The following CPS1 variants were observed in gnomAD, a reference collection of about 807,000 sequenced individuals.
CPS1 encodes the protein carbamoyl-phosphate synthase [ammonia], mitochondrial.
In CPS1, 109 loss-of-function variants were observed where a neutral mutation model predicts 174.6. That is an observed-to-expected ratio of 0.62 (90% CI 0.53 to 0.73). The LOEUF is 0.73. Among genes scored for constraint, CPS1 ranks in the 30% least tolerant of loss-of-function variants. CPS1 has a pLI of 0.00. For synonymous variants in CPS1, 637 were observed against 632.0 expected (o/e 1.01, Z -0.12); for missense variants, 1,689 against 1,821.9 (o/e 0.93, Z 1.33).
intron 28 of CPS1, among the ~76,000 whole-genome samples, chr2:210,650,771 G>C (rs1700535301): frequency 6.6e-6 from 1 of 152,128 alleles, no homozygotes; most frequent in Non-Finnish European, 1.5e-5. Context: ...ATTAGATGCT[G>C]GTCAGGGTAT....
chr2:210,500,747 G>A (rs776656749), intron 1 of CPS1, among the ~76,000 whole-genome samples: 4 of 152,212 alleles, frequency 2.6e-5, no homozygotes, highest in South Asian at 4.1e-4. Context: ...TTTTCCAGGC[G>A]TACTGTGAAA....
chr2:210,566,036 T>C lies in CPS1; in HGVS notation c.127-7262T>C, dbSNP rs143690799. ...TAGGAAGCTGCTGCCCACCAGACTT[T>C]CCTGGATGTGGCCTGAACCTTTCTA... On this transcript the variant is annotated intron_variant, in intron 1 of 37. Transcript: ENST00000233072. Among the ~76,000 whole-genome samples the C allele has an allele frequency of 1.5e-3, 227 of 152,226 alleles. 2 individuals are homozygous for C. Among genetic ancestry groups the C allele is most frequent in the African/African-American group, 4.9e-3 (203 of 41,540 alleles).
intron 3 of CPS1, chr2:210,577,152 A>G: frequency 2.1e-6 from 1 of 477,940 alleles, no homozygotes; most frequent in Non-Finnish European, 3.8e-6. Flanking sequence ...TAAATTCTTG[A>G]TAAATGCCAT....
chr2:210,623,073 T>G (rs1042814295), intron 21 of CPS1, among the ~76,000 whole-genome samples: 37 of 152,200 alleles, frequency 2.4e-4, no homozygotes, highest in African/African-American at 8.7e-4. Flanking sequence ...TATACCATGT[T>G]AAATCATCAA....
At chr2:210,519,180 C>G (rs942672884) in intron 1 of CPS1, among the ~76,000 whole-genome samples, 1 of 152,034 alleles carries the variant, frequency 6.6e-6, no homozygotes, top group Non-Finnish European at 1.5e-5. Context: ...TTAATTTTGC[C>G]TTATCAGAGT....
intron 1 of CPS1, among the ~76,000 whole-genome samples, chr2:210,511,100 T>C (rs1695475631): frequency 6.6e-6 from 1 of 152,164 alleles, no homozygotes; most frequent in Admixed American, 6.6e-5. Context: ...ATTGTGGCAC[T>C]ATTCACAATA....
intron 1 of CPS1, among the ~76,000 whole-genome samples, chr2:210,522,144 C>G (rs1695843812): frequency 6.6e-6 from 1 of 151,972 alleles, no homozygotes; most frequent in Non-Finnish European, 1.5e-5. Flanking sequence ...GTAACTTCTT[C>G]ACATGCGAGT....
intron 1 of CPS1, among the ~76,000 whole-genome samples, chr2:210,524,642 T>G (rs1695924713): frequency 1.3e-5 from 2 of 151,966 alleles, no homozygotes; most frequent in Non-Finnish European, 2.9e-5. Flanking sequence ...TACTCCAATC[T>G]CCCTTAGCTA....
intron 6 of CPS1, among the ~76,000 whole-genome samples, chr2:210,583,780 C>A (rs1255254332): frequency 6.6e-6 from 1 of 152,116 alleles, no homozygotes; most frequent in Non-Finnish European, 1.5e-5. Context: ...TCAGCACTTC[C>A]AGAAACTATT....
intron 33 of CPS1, among the ~76,000 whole-genome samples, chr2:210,666,458 A>C (rs1701100503): frequency 6.6e-6 from 1 of 151,996 alleles, no homozygotes; most frequent in South Asian, 2.1e-4. Flanking sequence ...TTATGGTTTT[A>C]GGTCTAACGT....
At chr2:210,675,876 A>G (rs1360972894) in intron 36 of CPS1, 36 bp downstream of exon 36, 1 of 993,410 alleles carries the variant, frequency 1.0e-6, no homozygotes, top group East Asian at 2.4e-5. Flanking sequence ...GAAATAATTT[A>G]GAGGATTAAC....
intron 1 of CPS1, among the ~76,000 whole-genome samples, chr2:210,510,394 T>C (rs1346112346): frequency 2.6e-5 from 4 of 152,178 alleles, no homozygotes; most frequent in Middle Eastern, 3.4e-3. Context: ...GGATTAAAGA[T>C]TTAAATGTTA....
intron 1 of CPS1, among the ~76,000 whole-genome samples, chr2:210,568,016 A>G (rs1697357615): frequency 6.6e-6 from 1 of 152,182 alleles, no homozygotes; most frequent in Non-Finnish European, 1.5e-5. Flanking sequence ...TGTGTGGACA[A>G]CAGTGGGCTA....
chr2:210,529,716 C>A (rs915511761), intron 1 of CPS1, among the ~76,000 whole-genome samples: 9 of 151,902 alleles, frequency 5.9e-5, no homozygotes, highest in Non-Finnish European at 1.0e-4. Flanking sequence ...GAAGTAGAAA[C>A]CAGGTTAGAC....
chr2:210,563,722 A>T (rs954753957), intron 1 of CPS1, among the ~76,000 whole-genome samples: 2 of 152,226 alleles, frequency 1.3e-5, no homozygotes, highest in Non-Finnish European at 2.9e-5. Flanking sequence ...GGAGAACCTA[A>T]CAATAATGAT....
At chr2:210,482,673 A>AGG in intron 1 of CPS1, among the ~76,000 whole-genome samples, 1 of 108,566 alleles carries the variant, frequency 9.2e-6, no homozygotes, top group Non-Finnish European at 2.0e-5. Context: ...AGAGAGAGAG[A>AGG]GAAAGAGAGA....
At chr2:210,515,345 G>T (rs978509014) in intron 1 of CPS1, among the ~76,000 whole-genome samples, 7 of 122,392 alleles carry the variant, frequency 5.7e-5, no homozygotes, top group Non-Finnish European at 1.2e-4. Flanking sequence ...TTTTTGGTTG[G>T]TAGGTTTTTT....
chr2:210,564,974 G>A (rs1380658539), intron 1 of CPS1, among the ~76,000 whole-genome samples: 2 of 151,280 alleles, frequency 1.3e-5, no homozygotes, highest in African/African-American at 2.4e-5. Flanking sequence ...CAGCTTGGTC[G>A]ACAGAGAGAT....
At chr2:210,555,048 T>C (rs1024258074), upstream of CPS1, among the ~76,000 whole-genome samples, 11 of 152,042 alleles carry the variant, frequency 7.2e-5, no homozygotes, top group African/African-American at 2.7e-4. Flanking sequence ...TCAAAATACT[T>C]CCATGACTAT....
Sources: gnomAD v4.1 joint callset for allele counts (sites outside exome capture counted in the v4.1 genomes callset) on GRCh38, gnomAD v4.1.1 for gene constraint, MANE v1.5 for transcripts, NCBI Gene and HGNC (gene_info 2026-07-23, HGNC 2026-07-21) for gene names.